The following DYSF variants were observed in gnomAD, a reference collection of about 807,000 sequenced individuals.
The protein encoded by DYSF is dysferlin.
Under a neutral mutation model 274.9 loss-of-function variants are expected in DYSF, and 212 were observed. The ratio of observed to expected loss-of-function variants is 0.77; its 90% CI spans 0.69 to 0.86. The LOEUF is 0.86. DYSF is among the 40% of genes least tolerant of loss of function. The probability of loss-of-function intolerance (pLI) is 0.00; values close to 1 mark genes in which losing one functional copy is unlikely to be tolerated. For missense variants in DYSF, 2,666 were observed against 2,783.2 expected (o/e 0.96, Z 0.95); for synonymous variants, 1,091 against 1,078.7 (o/e 1.01, Z -0.22).
chr2:71,574,563 A>G (rs2092636892), intron 30 of DYSF, among the ~76,000 whole-genome samples, 192 bp downstream of exon 30: 1 of 152,192 alleles, frequency 6.6e-6, no homozygotes, highest in South Asian at 2.1e-4. Context: ...TGTTCTTCTA[A>G]AATGAAAAAG....
intron 34 of DYSF, chr2:71,601,170 T>C: frequency 1.7e-6 from 1 of 586,624 alleles, no homozygotes; most frequent in Non-Finnish European, 3.0e-6. Flanking sequence ...CCCCGTTGCA[T>C]TGCTGGCTTC....
chr2:71,570,822 C>A, intron 29 of DYSF, 81 bp downstream of exon 29: 1 of 1,572,354 alleles, frequency 6.4e-7, no homozygotes, highest in Non-Finnish European at 8.7e-7. Flanking sequence ...TGCATGCCCA[C>A]AGACACATGC....
At chr2:71,497,517 C>T (rs568251326) in intron 3 of DYSF, among the ~76,000 whole-genome samples, 2 of 152,344 alleles carry the variant, frequency 1.3e-5, no homozygotes, top group South Asian at 2.1e-4. Context: ...TCCCCTTCCC[C>T]CATGATTGTA....
intron 29 of DYSF, among the ~76,000 whole-genome samples, chr2:71,571,906 CAG>C (rs2092496640): frequency 1.4e-5 from 2 of 146,020 alleles, no homozygotes; most frequent in African/African-American, 5.1e-5. Flanking sequence ...AGCACACACA[CAG>C]ATCACACCCA....
intron 42 of DYSF, among the ~76,000 whole-genome samples, chr2:71,654,489 A>T (rs181990046): frequency 9.8e-5 from 15 of 152,360 alleles, no homozygotes; most frequent in Middle Eastern, 3.4e-3. Flanking sequence ...GGTTTAAAAA[A>T]ATAATGTTGA....
intron 16 of DYSF, among the ~76,000 whole-genome samples, chr2:71,536,480 C>T (rs1267455906): frequency 2.6e-5 from 4 of 152,234 alleles, no homozygotes; most frequent in South Asian, 2.1e-4. Context: ...CTTTACATCC[C>T]AGAATGATCT....
At chr2:71,613,475 C>A in intron 40 of DYSF, 65 bp downstream of exon 40, 1 of 1,295,752 alleles carries the variant, frequency 7.7e-7, no homozygotes, top group Non-Finnish European at 1.1e-6. Context: ...TCAATTCCCA[C>A]CCCTTCTCCC....
At chr2:71,599,540 G>A (rs2093491308) in intron 33 of DYSF, among the ~76,000 whole-genome samples, 1 of 152,190 alleles carries the variant, frequency 6.6e-6, no homozygotes, top group Non-Finnish European at 1.5e-5. Context: ...GAAATGTGGG[G>A]TTGGGGTGTC....
intron 26 of DYSF, among the ~76,000 whole-genome samples, chr2:71,569,405 T>C (rs1236559098): frequency 1.3e-5 from 2 of 152,256 alleles, no homozygotes; most frequent in Admixed American, 6.5e-5. Flanking sequence ...TTTTCCTGTT[T>C]GGTTGGCATT....
At chr2:71,638,838 A>T (rs965378295) in intron 41 of DYSF, among the ~76,000 whole-genome samples, 2 of 152,188 alleles carry the variant, frequency 1.3e-5, no homozygotes, top group African/African-American at 4.8e-5. Context: ...TTTCTCTTGG[A>T]TATATACCTA....
rs1176669680 is a variant in DYSF, at chr2:71,466,937, A to T, written c.91+4A>T. 1 of 1,549,590 alleles carries T rather than the reference A, an allele frequency of 6.5e-7. No homozygotes were observed. The highest frequency in any genetic ancestry group is 8.7e-7 in the Non-Finnish European group (1 of 1,145,630). On this transcript the variant is annotated splice_donor_region_variant and intron_variant, in intron 1 of 55. Transcript: ENST00000410020. ...GTCGCAAGCCTGACTTTCCGAGGTGAGAGCCCCGTGGCTGCCGCGCCCATG... is the reference window on the plus strand; with the variant it reads ...GTCGCAAGCCTGACTTTCCGAGGTGTGAGCCCCGTGGCTGCCGCGCCCATG...
Position 71,551,632 on chromosome 2 carries a change from G to T in DYSF, c.1718G>T (p.Arg573Leu). ...GKGEGVAYRG[R>L]LLLSLETKLV... ...GGGGAAGGTGTGGCTTATCGTGGCC[G>T]GCTTCTGCTCTCCCTGGAGACCAAG... The change falls in exon 19 of 56, where the codon CGG becomes CTG. Residue 573 changes from arginine (R) to leucine (L), a missense_variant. By Grantham distance (102) the Arg-to-Leu change is moderately radical. Coordinates refer to ENST00000410020, the MANE Select transcript of DYSF (RefSeq NM_001130987.2). 6.2e-7 allele frequency: 1 copy of T among 1,608,664 alleles called. No homozygotes were observed. Among genetic ancestry groups the T allele is most frequent in the Admixed American group, 1.7e-5 (1 of 59,300 alleles).
chr2:71,525,231 G>C (rs2087729746), intron 12 of DYSF, among the ~76,000 whole-genome samples: 1 of 151,796 alleles, frequency 6.6e-6, no homozygotes, highest in African/African-American at 2.4e-5. Flanking sequence ...TTGTTTTTGA[G>C]ATGGTGGGGG....
chr2:71,477,394 G>T (rs1251440361), intron 1 of DYSF, among the ~76,000 whole-genome samples: 1 of 152,116 alleles, frequency 6.6e-6, no homozygotes, highest in Non-Finnish European at 1.5e-5. Flanking sequence ...GTTCATTGGG[G>T]TTCATCTGTA....
intron 4 of DYSF, among the ~76,000 whole-genome samples, chr2:71,507,780 G>A (rs1209215553): frequency 6.6e-6 from 1 of 152,202 alleles, no homozygotes; most frequent in Non-Finnish European, 1.5e-5. Context: ...GCCACTGCAC[G>A]GAGCCCTGCG....
chr2:71,617,259 C>T (rs572312320), intron 40 of DYSF, among the ~76,000 whole-genome samples: 21 of 152,320 alleles, frequency 1.4e-4, no homozygotes, highest in Non-Finnish European at 2.8e-4. Flanking sequence ...AGTTCCGACT[C>T]TGGTCACAAA....
chr2:71,473,889 C>G (rs942635432), intron 1 of DYSF, among the ~76,000 whole-genome samples: 1 of 151,272 alleles, frequency 6.6e-6, no homozygotes, highest in African/African-American at 2.4e-5. Flanking sequence ...CTCACCGCCC[C>G]TGGTAATTGC....
chr2:71,566,214 G>A (rs571668364), intron 24 of DYSF, among the ~76,000 whole-genome samples: 50 of 149,720 alleles, frequency 3.3e-4, no homozygotes, highest in African/African-American at 1.1e-3. Flanking sequence ...GGCGGTCTGC[G>A]AGAGTGGCGG....
At chr2:71,621,074 C>G (rs1316547596) in intron 41 of DYSF, among the ~76,000 whole-genome samples, 2 of 152,118 alleles carry the variant, frequency 1.3e-5, no homozygotes, top group East Asian at 3.9e-4. Flanking sequence ...CTGGGGCCAA[C>G]AGTCTGCTCC....
Sources: allele counts gnomAD v4.1 joint callset (sites outside exome capture counted in the v4.1 genomes callset), GRCh38; gene constraint gnomAD v4.1.1; transcripts MANE v1.5; gene names NCBI Gene and HGNC (gene_info 2026-07-23, HGNC 2026-07-21).